CELF4: variants seen among roughly 807,000 people sequenced by gnomAD.
CELF4 encodes the protein CUGBP Elav-like family member 4, also known as CUG-BP- and ETR-3-like factor 4.
A neutral mutation model predicts 59.9 loss-of-function variants in CELF4; 18 were observed. The ratio of observed to expected loss-of-function variants is 0.30; its 90% CI spans 0.21 to 0.45. CELF4 has a LOEUF of 0.45. Ranked by LOEUF, CELF4 falls within the 20% of genes least tolerant of loss-of-function variation. The probability of loss-of-function intolerance (pLI) is 1.00; values close to 1 mark genes in which losing one functional copy is unlikely to be tolerated. For missense variants in CELF4, 456 were observed against 689.0 expected (o/e 0.66, Z 3.79); for synonymous variants, 261 against 267.1 (o/e 0.98, Z 0.22).
chr18:37,360,814 G>A (rs938231753), intron 2 of CELF4, among the ~76,000 whole-genome samples: 1 of 152,208 alleles, frequency 6.6e-6, no homozygotes, highest in Non-Finnish European at 1.5e-5. Context: ...AGCCAGACAC[G>A]CCCATTACTG....
chr18:37,261,187 C>T (rs1227687793), intron 10 of CELF4, among the ~76,000 whole-genome samples: 1 of 152,164 alleles, frequency 6.6e-6, no homozygotes, highest in African/African-American at 2.4e-5. Context: ...ACCAGACTGG[C>T]TGCTCCCAGG....
intron 1 of CELF4, among the ~76,000 whole-genome samples, chr18:37,506,818 C>T (rs1381132830): frequency 6.6e-6 from 1 of 152,196 alleles, no homozygotes; most frequent in Non-Finnish European, 1.5e-5. Flanking sequence ...GCTTTTCTAA[C>T]TTTGAAAAGT....
At chr18:37,293,191 A>G (rs1211133479) in intron 3 of CELF4, among the ~76,000 whole-genome samples, 1 of 152,260 alleles carries the variant, frequency 6.6e-6, no homozygotes, top group Non-Finnish European at 1.5e-5. Context: ...CCAAAATGCC[A>G]CAAACTGGGT....
chr18:37,362,586 C>T (rs563793330), intron 2 of CELF4, among the ~76,000 whole-genome samples: 18 of 152,112 alleles, frequency 1.2e-4, no homozygotes, highest in Admixed American at 6.6e-4. Flanking sequence ...GGGAGGGTCA[C>T]GGGGCTGCTG....
At chr18:37,511,332 C>T (rs2099944079) in intron 1 of CELF4, among the ~76,000 whole-genome samples, 1 of 152,130 alleles carries the variant, frequency 6.6e-6, no homozygotes. Flanking sequence ...GCAAGCCAAG[C>T]TTCCTGGGGC....
intron 2 of CELF4, among the ~76,000 whole-genome samples, chr18:37,368,986 G>A (rs1569567886): frequency 6.6e-6 from 1 of 152,180 alleles, no homozygotes; most frequent in Admixed American, 6.5e-5. Context: ...CCGGGGGATC[G>A]GCCTCCTGGG....
At chr18:37,258,957 G>T (rs2072220971) in intron 11 of CELF4, 1 of 603,104 alleles carries the variant, frequency 1.7e-6, no homozygotes, top group Non-Finnish European at 2.9e-6. Context: ...GAAGCAAAAG[G>T]AGTAGTGGGA....
intron 2 of CELF4, among the ~76,000 whole-genome samples, chr18:37,385,952 T>C (rs1175543728): frequency 6.6e-6 from 1 of 152,280 alleles, no homozygotes; most frequent in Non-Finnish European, 1.5e-5. Context: ...AAGTGTGACA[T>C]TTATTGAAAC....
chr18:37,303,730 C>T (rs923995409), intron 3 of CELF4, among the ~76,000 whole-genome samples: 1 of 152,226 alleles, frequency 6.6e-6, no homozygotes, highest in African/African-American at 2.4e-5. Flanking sequence ...CAAAATCCCT[C>T]CCAGGCTAGC....
intron 2 of CELF4, among the ~76,000 whole-genome samples, chr18:37,356,136 T>A (rs1366145419): frequency 1.3e-5 from 2 of 152,176 alleles, no homozygotes; most frequent in African/African-American, 2.4e-5. Flanking sequence ...TACCCACACC[T>A]TTCCATTTTC....
chr18:37,275,038 G>T, intron 4 of CELF4, 77 bp downstream of exon 4: 1 of 1,564,428 alleles, frequency 6.4e-7, no homozygotes, highest in Non-Finnish European at 8.7e-7. Flanking sequence ...TGGCCCCGGA[G>T]ACTCAGAGGA....
At chr18:37,419,210 T>G (rs930001489) in intron 2 of CELF4, among the ~76,000 whole-genome samples, 2 of 152,266 alleles carry the variant, frequency 1.3e-5, no homozygotes, top group African/African-American at 4.8e-5. Flanking sequence ...TCGGTTTTAC[T>G]CTTTTGTTTG....
At chr18:37,497,083 T>C (rs1178558003) in intron 1 of CELF4, among the ~76,000 whole-genome samples, 1 of 152,054 alleles carries the variant, frequency 6.6e-6, no homozygotes, top group Non-Finnish European at 1.5e-5. Context: ...AGTTGGTAAA[T>C]GGGGAGCCTG....
intron 2 of CELF4, among the ~76,000 whole-genome samples, chr18:37,343,007 C>T (rs892221857): frequency 6.6e-6 from 1 of 152,094 alleles, no homozygotes; most frequent in African/African-American, 2.4e-5. Context: ...AGGAGGAGAT[C>T]CTGGAAATGA....
chr18:37,391,957 C>T (rs1225389323), intron 2 of CELF4, among the ~76,000 whole-genome samples: 1 of 152,208 alleles, frequency 6.6e-6, no homozygotes, highest in African/African-American at 2.4e-5. Flanking sequence ...ATCCAAGGCA[C>T]AATTGGTCCC....
intron 2 of CELF4, among the ~76,000 whole-genome samples, chr18:37,409,999 T>C (rs1370327393): frequency 6.6e-6 from 1 of 152,104 alleles, no homozygotes; most frequent in Non-Finnish European, 1.5e-5. Flanking sequence ...GCTGCTAATA[T>C]TGGGATGAGA....
chr18:37,368,647 C>A (rs181969413), intron 2 of CELF4, among the ~76,000 whole-genome samples: 1 of 152,226 alleles, frequency 6.6e-6, no homozygotes, highest in African/African-American at 2.4e-5. Flanking sequence ...TTTCAGCCAG[C>A]AAAGTCATTT....
In CELF4 at chr18:37,274,830, G is replaced by A. The variant is rs1340223204; in HGVS notation, c.632C>T (p.Ala211Val). The change falls in exon 5 of 13, where the codon GCG becomes GTG. Residue 211 changes from alanine to valine, a missense_variant. Around this residue, in one of 7 missense-constraint regions of CELF4, gnomAD observed 56 missense variants for 92.0 expected, o/e 0.61. Coordinates refer to ENST00000420428, the MANE Select transcript of CELF4 (RefSeq NM_020180.4). ...SHAEAQAAIN[A>V]LHGSQTMPGA... ...CGGCATGGTCTGGCTGCCGTGTAGC[G>A]CGTTGATGGCGGCCTGCGCCTCGGC... 1.2e-6 allele frequency: 2 copies of A among 1,606,980 alleles called. No individual in the cohort carries two copies. Among genetic ancestry groups the A allele is most frequent in the South Asian group, 1.1e-5 (1 of 90,080 alleles).
chr18:37,341,827 G>A (rs541078690), intron 2 of CELF4, among the ~76,000 whole-genome samples: 1 of 152,286 alleles, frequency 6.6e-6, no homozygotes, highest in South Asian at 2.1e-4. Flanking sequence ...TTGCCTCACA[G>A]CAGGCACTTA....
Sources: allele counts gnomAD v4.1 joint callset (sites outside exome capture counted in the v4.1 genomes callset), GRCh38; gene constraint gnomAD v4.1.1; regional missense constraint gnomAD v4.1.1; transcripts MANE v1.5; gene names NCBI Gene and HGNC (gene_info 2026-07-23, HGNC 2026-07-21).